DLL1: variants seen among roughly 807,000 people sequenced by gnomAD.
DLL1 encodes delta-like protein 1.
A neutral mutation model predicts 75.1 loss-of-function variants in DLL1; 9 were observed. The observed-to-expected ratio is 0.12, with a 90% CI of 0.07 to 0.21. The LOEUF (loss-of-function observed/expected upper bound fraction) is 0.21, where lower values mean the gene tolerates loss of function less well. Among genes scored for constraint, DLL1 ranks in the 10% least tolerant of loss-of-function variants. The pLI, the probability that DLL1 is intolerant of heterozygous loss-of-function variation, is 1.00. For missense variants in DLL1, 837 were observed against 1,007.6 expected, an observed-to-expected ratio of 0.83 and a Z score of 2.29; for synonymous variants, 477 against 418.3, an observed-to-expected ratio of 1.14 and a Z score of -1.71.
Position 170,283,970 on chromosome 6 carries a change from C to T in DLL1, c.1309G>A (p.Gly437Arg), listed in dbSNP as rs1399970484. Residue 437 changes from glycine to arginine, a missense_variant, in exon 9 of 11, where the codon GGG (glycine) becomes AGG (arginine). Gly to Arg is a moderately radical substitution (Grantham distance 125). Transcript: ENST00000366756. ...YLCRCQAGFS[G>R]RHCDDNVDDC... Reference sequence around the variant, plus strand: ...TCCACGTTGTCGTCACAGTGCCTCCCCGAGAAGCCGGCCTGGCAGCGGCAC... The same window carrying T: ...TCCACGTTGTCGTCACAGTGCCTCCTCGAGAAGCCGGCCTGGCAGCGGCAC... 1 of 1,587,214 alleles carries T rather than the reference C, an allele frequency of 6.3e-7. No homozygotes were observed. Among genetic ancestry groups the T allele is most frequent in the South Asian group, 1.1e-5 (1 of 87,958 alleles).
Position 170,283,103 on chromosome 6 carries a change from C to G in DLL1, c.2051G>C (p.Gly684Ala). The G allele has an allele frequency of 6.2e-7, 1 of 1,614,088 alleles. No homozygotes were observed. Among genetic ancestry groups the G allele is most frequent in the Non-Finnish European group, 8.5e-7 (1 of 1,180,010 alleles). ...EKGTPTTLRG[G>A]EASERKRPDS... is the part of the protein sequence containing the mutation. ...CGGCCTTTTTCTTTCAGATGCTTCTCCACTAAAAGGAAAATAGAGAAAATC... is the reference window on the plus strand; with the variant it reads ...CGGCCTTTTTCTTTCAGATGCTTCTGCACTAAAAGGAAAATAGAGAAAATC... Residue 684 changes from glycine (G) to alanine (A), a missense_variant and splice_region_variant, in exon 10 of 11, where the codon GGA becomes GCA. Physicochemically the swap from Gly to Ala is moderately conservative, Grantham distance 60. This residue lies in a region of DLL1 where 533 missense variants were observed against 545.7 expected (regional missense o/e 0.98). Coordinates refer to ENST00000366756, the MANE Select transcript of DLL1 (RefSeq NM_005618.4).
rs373176995 is a variant in DLL1 at position 170,283,278 on chromosome 6, G to C, written c.2001C>G (p.Pro667=). Residue 667 remains proline, a synonymous_variant, in exon 9 of 11, where the codon CCC becomes CCG. Coordinates refer to ENST00000366756, the MANE Select transcript of DLL1 (RefSeq NM_005618.4). ...CCTTCTCCTCCCCTGAGGAGCCCTG[G>C]GGCTGGCACTTGGTGTCACGCTTGC... ...AHSKRDTKCQ[P]QGSSGEEKGT... The C allele has an allele frequency of 5.6e-6, 9 of 1,612,956 alleles. No individual in the cohort carries two copies. The highest frequency in any genetic ancestry group is 7.6e-6 in the Non-Finnish European group (9 of 1,179,980).
At chr6:170,288,609 C>G in intron 3 of DLL1, 113 bp from the exon 4 acceptor site, 1 of 1,610,406 alleles carries the variant, frequency 6.2e-7, no homozygotes, top group East Asian at 2.2e-5. Context: ...CTGCTCCACC[C>G]TGAACTTTCT....
intron 4 of DLL1, among the ~76,000 whole-genome samples, chr6:170,287,734 A>G (rs1783733881): frequency 6.6e-6 from 1 of 152,194 alleles, no homozygotes. Flanking sequence ...TGGCCAGCAT[A>G]GACAGTGCGT....
In DLL1 at chr6:170,285,058, A is replaced by G; in HGVS notation, c.1110T>C (p.Cys370=). The G allele has an allele frequency of 6.2e-7, 1 of 1,614,162 alleles. No homozygotes were observed. Residue 370 remains cysteine, a synonymous_variant, in exon 8 of 11, where the codon TGT becomes TGC. Transcript: ENST00000366756. ...CCCCGTTAAAGCAAGGGCCGTCCGC[A>G]CAGGTCATGGCACTCAATTCACAGA... ...GKICELSAMT[C]ADGPCFNGGR...
At chr6:170,289,143 G>A (rs1049683181) in intron 2 of DLL1, 2 of 588,030 alleles carry the variant, frequency 3.4e-6, no homozygotes, top group Non-Finnish European at 6.1e-6. Flanking sequence ...GGGTGGTAGC[G>A]GTCGCGCTGC....
chr6:170,289,727 G>C lies in DLL1; in HGVS notation c.136C>G (p.Arg46Gly). ...KGLLGNRNCC[R>G]GGAGPPPCAC... The stretch of plus-strand genomic sequence containing the variant: ...CACGGCGGTGGCCCCGCGCCCCCGC[G>C]GCAGCAGTTGCGGTTCCCCAGCAGC... Residue 46 changes from arginine to glycine, a missense_variant, in exon 2 of 11, where the codon CGC (arginine) becomes GGC (glycine). By Grantham distance (125) the Arg-to-Gly change is moderately radical. Around this residue, in one of 2 missense-constraint regions of DLL1, gnomAD observed 304 missense variants for 461.9 expected, o/e 0.66. Coordinates refer to ENST00000366756, the MANE Select transcript of DLL1 (RefSeq NM_005618.4). 6.5e-7 allele frequency: 1 copy of C among 1,550,108 alleles called. No homozygotes were observed. Among genetic ancestry groups the C allele is most frequent in the Non-Finnish European group, 8.7e-7 (1 of 1,147,010 alleles).
In DLL1 at chr6:170,290,657, G is replaced by T; in HGVS notation, c.-518C>A. On this transcript the variant is annotated 5_prime_UTR_variant, in exon 1 of 11. Transcript: ENST00000366756. The surrounding 1 kb of genome is among the most constrained non-coding windows in gnomAD (Gnocchi z 4.7). ...AGCGGCGCGCGCTGAGGGGACGGTCGGCGGCGGCGGGTGTGCGCGGCGGCC... is the reference window on the plus strand; with the variant it reads ...AGCGGCGCGCGCTGAGGGGACGGTCTGCGGCGGCGGGTGTGCGCGGCGGCC... The T allele has an allele frequency of 7.3e-6, 2 of 274,848 alleles. No individual in the cohort carries two copies. The highest frequency in any genetic ancestry group is 1.0e-4 in the South Asian group (2 of 20,066). The allele number at this position is 274,848 out of a possible 1,614,324, so 17.0% of individuals were successfully genotyped here.
Position 170,288,306 on chromosome 6 carries a change from G to A in DLL1, c.603C>T (p.His201=), listed in dbSNP as rs773854215. 16 of 1,614,088 alleles carry A rather than the reference G, an allele frequency of 9.9e-6. No individual in the cohort carries two copies. The highest frequency in any genetic ancestry group is 1.2e-5 in the Non-Finnish European group (14 of 1,180,054). The change falls in exon 4 of 11, where the codon CAC becomes CAT. Residue 201 remains histidine, a synonymous_variant. Coordinates refer to ENST00000366756, the MANE Select transcript of DLL1 (RefSeq NM_005618.4). Reference sequence around the variant, plus strand: ...TCTCCCCACGCTCCCCACAGGTGAAGTGGCCGAAGGCATCGTCCCGGGGAC... The same window carrying A: ...TCTCCCCACGCTCCCCACAGGTGAAATGGCCGAAGGCATCGTCCCGGGGAC... ...FCRPRDDAFG[H]FTCGERGEKV...
intron 3 of DLL1, 63 bp from the exon 4 acceptor site, chr6:170,288,559 G>C (rs1240201939): frequency 1.8e-5 from 29 of 1,613,818 alleles, no homozygotes; most frequent in South Asian, 1.6e-4. Flanking sequence ...GGACAGAGCG[G>C]GGGTGGGCCG....
rs548785389 is a variant in DLL1 at position 170,288,185 on chromosome 6, G to A, written c.670+54C>T. 211 of 1,612,508 alleles carry A rather than the reference G, an allele frequency of 1.3e-4. 1 individual carries two copies. In the South Asian group the frequency reaches 2.0e-3, roughly 15 times the overall value. ...GTGGCTCAGGAAGCCCCGTCCCTGC[G>A]CGCGGTCCGTGTTCGTGGACGAGTG... is the stretch of plus-strand genomic sequence containing the variant. On this transcript the variant is annotated intron_variant, in intron 4 of 10. Transcript: ENST00000366756.
At chr6:170,289,317 C>G in intron 2 of DLL1, 195 bp downstream of exon 2, 1 of 938,632 alleles carries the variant, frequency 1.1e-6, no homozygotes, top group Non-Finnish European at 1.6e-6. Flanking sequence ...TCCTGCAGGC[C>G]GCGGGGCCCC....
At position 170,283,094 on chromosome 6, in the gene DLL1, G is replaced by A. The variant is rs1033582; in HGVS notation, c.2060C>T (p.Ser687Phe). The change falls in exon 10 of 11, where the codon TCT (serine) becomes TTT (phenylalanine). Residue 687 changes from serine (S) to phenylalanine (F), a missense_variant. Transcript: ENST00000366756. ...GCCCGAGTCCGGCCTTTTTCTTTCA[G>A]ATGCTTCTCCACTAAAAGGAAAATA... ...TPTTLRGGEASERKRPDSGCS... is the reference protein window; with the variant it reads ...TPTTLRGGEAFERKRPDSGCS... 4 of 1,613,978 alleles carry A rather than the reference G, an allele frequency of 2.5e-6. No homozygotes were observed. The Admixed American group carries it at 6.7e-5, about 27-fold the overall frequency.
rs1428888841 is a variant in DLL1 at position 170,283,913 on chromosome 6, C to T, written c.1366G>A (p.Gly456Ser). The change falls in exon 9 of 11, where the codon GGC (glycine) becomes AGC (serine). Residue 456 changes from glycine to serine, a missense_variant. Transcript: ENST00000366756. ...DCASSPCANG[G>S]TCRDGVNDFS... ...TCGTTCACGCCATCCCGGCAGGTGC[C>T]CCCGTTGGCGCACGGGGAGGAGGCG... The T allele has an allele frequency of 1.9e-6, 3 of 1,602,712 alleles. No individual in the cohort carries two copies. The highest frequency in any genetic ancestry group is 1.3e-5 in the African/African-American group (1 of 74,924).
chr6:170,289,177 G>A, intron 2 of DLL1: 1 of 619,796 alleles, frequency 1.6e-6, no homozygotes, highest in Non-Finnish European at 2.9e-6. Context: ...CCACCAACGC[G>A]TCTAGGAGTC....
intron 6 of DLL1, 67 bp downstream of exon 6, chr6:170,285,502 T>A: frequency 6.2e-7 from 1 of 1,614,096 alleles, no homozygotes; most frequent in East Asian, 2.2e-5. Context: ...TTTCCAGTGA[T>A]CAAACAGCCA....
chr6:170,284,293 C>T (rs1057064488), intron 8 of DLL1, among the ~76,000 whole-genome samples: 6 of 152,298 alleles, frequency 3.9e-5, no homozygotes, highest in African/African-American at 1.4e-4. Context: ...GCATTAGTCG[C>T]CACAACAGCC....
chr6:170,287,441 G>A (rs1489386295), intron 4 of DLL1, among the ~76,000 whole-genome samples: 1 of 152,204 alleles, frequency 6.6e-6, no homozygotes, highest in Non-Finnish European at 1.5e-5. Flanking sequence ...CAGGCGTGCA[G>A]GCGAGGCCTC....
chr6:170,288,667 T>C, intron 3 of DLL1, 62 bp downstream of exon 3: 2 of 1,611,220 alleles, frequency 1.2e-6, no homozygotes, highest in East Asian at 2.2e-5. Context: ...GGGGGATGGG[T>C]GGGCAAAGTC....
Sources: allele counts gnomAD v4.1 joint callset (sites outside exome capture counted in the v4.1 genomes callset), GRCh38; gene constraint gnomAD v4.1.1; regional missense constraint gnomAD v4.1.1; non-coding constraint Gnocchi (gnomAD v3.1); transcripts MANE v1.5; gene names NCBI Gene and HGNC (gene_info 2026-07-23, HGNC 2026-07-21).